Variants in ZFHX3 observed in about 807,000 individuals in gnomAD.
ZFHX3 encodes the protein zinc finger homeobox 3.
A neutral mutation model predicts 279.1 loss-of-function variants in ZFHX3; 42 were observed. The observed-to-expected ratio is 0.15, with a 90% CI of 0.12 to 0.19. The LOEUF (loss-of-function observed/expected upper bound fraction) is 0.19, where lower values mean the gene tolerates loss of function less well. Ranked by LOEUF, ZFHX3 falls within the 10% of genes least tolerant of loss-of-function variation. The pLI is 1.00. For synonymous variants in ZFHX3, 2,293 were observed against 1,957.8 expected (o/e 1.17, Z -4.52); for missense variants, 4,981 against 4,754.0 (o/e 1.05, Z -1.40).
chr16:73,547,856 T>C (rs1209259764), intron 2 of ZFHX3, among the ~76,000 whole-genome samples: 1 of 152,244 alleles, frequency 6.6e-6, no homozygotes, highest in Non-Finnish European at 1.5e-5. Flanking sequence ...AGGGAAAATA[T>C]GGTTTTCCTG....
chr16:73,016,260 C>A (rs979289777), intron 1 of ZFHX3, among the ~76,000 whole-genome samples: 2 of 152,104 alleles, frequency 1.3e-5, no homozygotes, highest in Admixed American at 1.3e-4. Context: ...ATTATGTTAA[C>A]AATTAACATG....
upstream of ZFHX3, among the ~76,000 whole-genome samples, chr16:73,064,240 A>T (rs1486497822): frequency 6.6e-6 from 1 of 152,084 alleles, no homozygotes; most frequent in South Asian, 2.1e-4. Context: ...GTACACGGAC[A>T]GGGAGTGTGG....
intron 1 of ZFHX3, among the ~76,000 whole-genome samples, chr16:73,797,048 A>C (rs2142321335): frequency 6.6e-6 from 1 of 152,270 alleles, no homozygotes; most frequent in South Asian, 2.1e-4. Context: ...CTAAAAAAAA[A>C]AAAAATTAGC....
At chr16:73,459,455 T>C (rs893034439) in intron 2 of ZFHX3, among the ~76,000 whole-genome samples, 1 of 152,116 alleles carries the variant, frequency 6.6e-6, no homozygotes, top group African/African-American at 2.4e-5. Context: ...CTCCACCTCC[T>C]GGGTTCAAGC....
chr16:73,622,984 GGC>G (rs2052379190), intron 2 of ZFHX3, among the ~76,000 whole-genome samples: 1 of 152,114 alleles, frequency 6.6e-6, no homozygotes, highest in Non-Finnish European at 1.5e-5. Context: ...CAAAATGTGA[GGC>G]GATAGATTAC....
At chr16:73,482,178 G>T (rs908124859) in intron 2 of ZFHX3, among the ~76,000 whole-genome samples, 1 of 152,272 alleles carries the variant, frequency 6.6e-6, no homozygotes, top group African/African-American at 2.4e-5. Context: ...GAGACACAGG[G>T]GGTGGCCTTG....
chr16:73,490,085 A>C (rs2143644542), intron 2 of ZFHX3, among the ~76,000 whole-genome samples: 1 of 152,366 alleles, frequency 6.6e-6, no homozygotes, highest in East Asian at 1.9e-4. Flanking sequence ...CAGCTATTCA[A>C]ATACTTGTGG....
At chr16:72,939,977 G>A (rs376129199) in intron 3 of ZFHX3, among the ~76,000 whole-genome samples, 5 of 152,262 alleles carry the variant, frequency 3.3e-5, no homozygotes, top group African/African-American at 1.2e-4. Context: ...GTCTGGCTAT[G>A]TTGCCCAGGC....
Position 72,811,707 on chromosome 16 carries a change from T to G in ZFHX3, c.3734A>C (p.Gln1245Pro). 6.2e-7 allele frequency: 1 copy of G among 1,614,104 alleles called. No homozygotes were observed. The highest frequency in any genetic ancestry group is 1.3e-5 in the African/African-American group (1 of 75,048). Residue 1245 changes from glutamine to proline, a missense_variant, in exon 7 of 10, where the codon CAG (glutamine) becomes CCG (proline). Gln to Pro is a moderately conservative substitution (Grantham distance 76). This residue lies in a region of ZFHX3 where 1,751 missense variants were observed against 1,770.0 expected (regional missense o/e 0.99). Coordinates refer to ENST00000268489, the MANE Select transcript of ZFHX3 (RefSeq NM_006885.4). ...GCGAAGCATGGGTTGCACCGAGTGC[T>G]GCGTCATGGCATGCACCCGGAGCCG... ...VNRLRVHAMT[Q>P]HSVQPMLRCP...
intron 2 of ZFHX3, among the ~76,000 whole-genome samples, chr16:73,598,819 A>T (rs762612625): frequency 3.4e-4 from 52 of 152,338 alleles, no homozygotes; most frequent in Non-Finnish European, 6.9e-4. Flanking sequence ...GCTGGAGTGC[A>T]GTGGTGCAAT....
Position 73,472,268 on chromosome 16 carries a change from T to TAAA in ZFHX3, c.-1546-16013_-1546-16011dup, listed in dbSNP as rs199783028. ...GGTCAGGATTCTACTTTTTAAATCT[T>TAAA]AAAAAAAAAAAAAAAAAAACAGCAT... On this transcript the variant is annotated intron_variant, in intron 2 of 17. Transcript: ENST00000641206. Among the ~76,000 whole-genome samples the TAAA allele has an allele frequency of 4.8e-4, 64 of 132,368 alleles. 1 individual carries two copies. Among genetic ancestry groups the TAAA allele is most frequent in the African/African-American group, 9.0e-4 (32 of 35,520 alleles). The allele number at this position is 132,368 out of a possible 152,430, so 86.8% of individuals were successfully genotyped here. A position where few individuals can be genotyped will look rare whatever the true frequency, so the allele number is the denominator to read the frequency against.
At chr16:73,594,474 G>C (rs1013827345) in intron 2 of ZFHX3, among the ~76,000 whole-genome samples, 4 of 152,178 alleles carry the variant, frequency 2.6e-5, no homozygotes, top group Non-Finnish European at 4.4e-5. Context: ...AAATTTACAA[G>C]AGTAATTAAG....
chr16:72,992,285 C>T (rs943562960), intron 1 of ZFHX3, among the ~76,000 whole-genome samples: 7 of 152,316 alleles, frequency 4.6e-5, no homozygotes, highest in Non-Finnish European at 7.4e-5. Flanking sequence ...ATCAACAGCA[C>T]TTCTGCCTCT....
Position 73,668,142 on chromosome 16 carries a change from C to T in ZFHX3, c.-1547+12038G>A, listed in dbSNP as rs528187086. Among the ~76,000 whole-genome samples, 3 of 152,196 alleles carry T rather than the reference C, an allele frequency of 2.0e-5. No homozygotes were observed. The South Asian group carries it at 6.2e-4, about 32-fold the overall frequency. ...CTAAGCCAGTGCAGATCTATGTGTG[C>T]CAGACTATTTTTCGGCACAAGTGTC... On this transcript the variant is annotated intron_variant, in intron 2 of 17. Transcript: ENST00000641206.
chr16:73,172,015 G>C (rs1427295286), intron 5 of ZFHX3, among the ~76,000 whole-genome samples: 1 of 152,118 alleles, frequency 6.6e-6, no homozygotes, highest in Non-Finnish European at 1.5e-5. Flanking sequence ...TTTTGGGTCC[G>C]CCAGAGATGC....
intron 2 of ZFHX3, among the ~76,000 whole-genome samples, chr16:73,628,522 T>A (rs1322132291): frequency 6.6e-6 from 1 of 152,150 alleles, no homozygotes; most frequent in Non-Finnish European, 1.5e-5. Flanking sequence ...GAAGTTGAAT[T>A]TTCTCAAATT....
chr16:73,240,984 G>A (rs1325372600), intron 5 of ZFHX3, among the ~76,000 whole-genome samples: 1 of 152,038 alleles, frequency 6.6e-6, no homozygotes, highest in Non-Finnish European at 1.5e-5. Context: ...ATAAATAATT[G>A]GCACTCACCA....
chr16:73,711,692 A>C (rs1477489344), intron 1 of ZFHX3, among the ~76,000 whole-genome samples: 1 of 152,264 alleles, frequency 6.6e-6, no homozygotes, highest in Non-Finnish European at 1.5e-5. Flanking sequence ...AGGAGAAAAA[A>C]TAAGAGGCTG....
chr16:73,096,594 C>T (rs559627266), intron 7 of ZFHX3, among the ~76,000 whole-genome samples: 85 of 147,702 alleles, frequency 5.8e-4, no homozygotes, highest in African/African-American at 1.9e-3. Context: ...TTAGTAGAGA[C>T]GGGGTTTCAC....
Sources: gnomAD v4.1 joint callset for allele counts (sites outside exome capture counted in the v4.1 genomes callset) on GRCh38, gnomAD v4.1.1 for gene constraint, gnomAD v4.1.1 regional missense constraint, MANE v1.5 for transcripts, NCBI Gene and HGNC (gene_info 2026-07-23, HGNC 2026-07-21) for gene names.